The following ZNF99 variants were observed in gnomAD, a reference collection of about 807,000 sequenced individuals.
ZNF99 encodes the protein zinc finger protein ENSP00000375192.
A neutral mutation model predicts 12.8 loss-of-function variants in ZNF99; 8 were observed. The ratio of observed to expected loss-of-function variants is 0.62; its 90% CI spans 0.37 to 1.13. The LOEUF (loss-of-function observed/expected upper bound fraction) is 1.13. Ranked by LOEUF, ZNF99 falls within the 50% of genes most tolerant of loss-of-function variation. The pLI is 0.02. For missense variants in ZNF99, 1,007 were observed against 1,006.2 expected, an observed-to-expected ratio of 1.00 and a Z score of -0.01; for synonymous variants, 318 against 319.0, an observed-to-expected ratio of 1.00 and a Z score of 0.03.
chr19:22,773,449 G>GA (rs61656597), intron 1 of ZNF99, among the ~76,000 whole-genome samples: 29,392 of 152,164 alleles, frequency 0.19, 3,797 homozygotes, highest in African/African-American at 0.37. Flanking sequence ...TTAACAAGTA[G>GA]AAAATTTATA....
rs1028660602 is a variant in ZNF99 at position 22,753,788 on chromosome 19, A to T, written c.*3526T>A. ...TTTTCCACATTCTTCATAGGTGTAC[A>T]TTTTTTTTCAAGTATAAATGCTTTC... On this transcript the variant is annotated 3_prime_UTR_variant, in exon 4 of 4. Coordinates refer to ENST00000596209, the MANE Select transcript of ZNF99 (RefSeq NM_001080409.3). The T allele has an allele frequency of 9.2e-6, 2 of 217,432 alleles. No homozygotes were observed. Among genetic ancestry groups the T allele is most frequent in the African/African-American group, 4.7e-5 (2 of 42,908 alleles). The allele number at this position is 217,432 out of a possible 1,614,324, so 13.5% of individuals were successfully genotyped here.
At position 22,759,022 on chromosome 19, in the gene ZNF99, T is replaced by G; in HGVS notation, c.887A>C (p.Gln296Pro). 4 of 1,613,638 alleles carry G rather than the reference T, an allele frequency of 2.5e-6. No homozygotes were observed. The highest frequency in any genetic ancestry group is 3.4e-6 in the Non-Finnish European group (4 of 1,179,798). Reference sequence around the variant, plus strand: ...TTTATGTCTAGTAAGGTGTGAGGATTGCTTAAAAGCTTTGCCACATTCTTC... The same window carrying G: ...TTTATGTCTAGTAAGGTGTGAGGATGGCTTAAAAGCTTTGCCACATTCTTC... The part of the protein sequence containing the change: ...KCEECGKAFK[Q>P]SSHLTRHKAI... Residue 296 changes from glutamine to proline, a missense_variant, in exon 4 of 4, where the codon CAA becomes CCA. Physicochemically the swap from Gln to Pro is moderately conservative, Grantham distance 76. Transcript: ENST00000596209.
Position 22,758,493 on chromosome 19 carries a change from C to G in ZNF99, c.1416G>C (p.Glu472Asp). ...FSNFSALRKH[E>D]IIHTGEKPYK... is the part of the protein sequence containing the mutation. ...AGGGTTTCTCTCCAGTATGAATTAT[C>G]TCATGTTTTCTAAGGGCTGAAAAAT... The change falls in exon 4 of 4, where the codon GAG becomes GAC. Residue 472 changes from glutamate to aspartate, a missense_variant. Transcript: ENST00000596209. 6.2e-7 allele frequency: 1 copy of G among 1,613,186 alleles called. No homozygotes were observed. Among genetic ancestry groups the G allele is most frequent in the Non-Finnish European group, 8.5e-7 (1 of 1,179,658 alleles).
chr19:22,759,651 C>A lies in ZNF99; in HGVS notation c.258G>T (p.Trp86Cys), dbSNP rs1396483863. 1 of 1,556,566 alleles carries A rather than the reference C, an allele frequency of 6.4e-7. No individual in the cohort carries two copies. Among genetic ancestry groups the A allele is most frequent in the Non-Finnish European group, 8.6e-7 (1 of 1,159,004 alleles). Residue 86 changes from tryptophan (W) to cysteine (C), a missense_variant, in exon 4 of 4, where the codon TGG becomes TGT. Trp to Cys is a radical substitution (Grantham distance 215). Coordinates refer to ENST00000596209, the MANE Select transcript of ZNF99 (RefSeq NM_001080409.3). ...AAGAATCTTTTATGCTCTGATCTGG[C>A]CAAAAGTCTTGTGTAAAATGAGAAC... ...VISSHFTQDF[W>C]PDQSIKDSFQ...
Position 22,758,780 on chromosome 19 carries a change from C to T in ZNF99, c.1129G>A (p.Ala377Thr), listed in dbSNP as rs369593902. The T allele has an allele frequency of 6.4e-5, 102 of 1,604,192 alleles. No homozygotes were observed. The highest frequency in any genetic ancestry group is 3.3e-4 in the Middle Eastern group (2 of 6,020). ...CTAAGGGCTGACAAATTGCTAAAAG[C>T]TTTGCCGCATTCTTCATATTTGTAG... is the stretch of plus-strand genomic sequence containing the variant. The part of the protein sequence containing the change: ...KPYKYEECGK[A>T]FSNLSALRKH... The change falls in exon 4 of 4, where the codon GCT (alanine) becomes ACT (threonine). Residue 377 changes from alanine (A) to threonine (T), a missense_variant. Transcript: ENST00000596209.
intron 1 of ZNF99, among the ~76,000 whole-genome samples, chr19:22,773,477 G>A (rs1800030988): frequency 6.6e-6 from 1 of 152,186 alleles, no homozygotes; most frequent in Admixed American, 6.5e-5. Flanking sequence ...GTCATACATA[G>A]TTATTCCTAA....
intron 1 of ZNF99, among the ~76,000 whole-genome samples, chr19:22,776,072 T>C (rs1480325709): frequency 6.8e-6 from 1 of 147,956 alleles, no homozygotes; most frequent in African/African-American, 2.5e-5. Context: ...AGGCTAAGAG[T>C]AAGATTAAAG....
chr19:22,779,052 T>C (rs1177573946), intron 1 of ZNF99, among the ~76,000 whole-genome samples: 1 of 151,478 alleles, frequency 6.6e-6, no homozygotes, highest in African/African-American at 2.4e-5. Flanking sequence ...ATAAAGCATA[T>C]AGATAATCCT....
Position 22,759,657 on chromosome 19 carries a change from G to A in ZNF99, c.252C>T (p.Asp84=). 1 of 1,551,896 alleles carries A rather than the reference G, an allele frequency of 6.4e-7. No individual in the cohort carries two copies. Among genetic ancestry groups the A allele is most frequent in the South Asian group, 1.3e-5 (1 of 79,476 alleles). The change falls in exon 4 of 4, where the codon GAC becomes GAT. Residue 84 remains aspartate, a synonymous_variant. Transcript: ENST00000596209. The part of the protein sequence containing the change: ...PPVISSHFTQ[D]FWPDQSIKDS... The stretch of plus-strand genomic sequence containing the variant: ...CTTTTATGCTCTGATCTGGCCAAAA[G>A]TCTTGTGTAAAATGAGAACTAATAA...
At position 22,755,145 on chromosome 19, in the gene ZNF99, ATTATG is replaced by A; in HGVS notation, c.*2164_*2168del. The A allele has an allele frequency of 4.4e-6, 1 of 227,822 alleles. No individual in the cohort carries two copies. The highest frequency in any genetic ancestry group is 9.0e-6 in the Non-Finnish European group (1 of 110,500). 14.1% of individuals were successfully genotyped at this position (227,822 alleles called of 1,614,324 possible). A position where few individuals can be genotyped will look rare whatever the true frequency, so the allele number is the denominator to read the frequency against. ...ATTTGTAGGGTTTCTCTCCCATTGA[ATTATG>A]TTGTTTAGCAAGAGTTGAGGACTGG... On this transcript the variant is annotated 3_prime_UTR_variant, in exon 4 of 4. Transcript: ENST00000596209.
chr19:22,777,262 G>T (rs938729953), intron 1 of ZNF99, among the ~76,000 whole-genome samples: 2 of 152,196 alleles, frequency 1.3e-5, no homozygotes, highest in Non-Finnish European at 2.9e-5. Context: ...CATAGATGGA[G>T]CTGGAGACCA....
chr19:22,763,353 A>G (rs1265940112), intron 3 of ZNF99, among the ~76,000 whole-genome samples: 3 of 152,204 alleles, frequency 2.0e-5, no homozygotes, highest in Non-Finnish European at 4.4e-5. Flanking sequence ...CGAAGCAGAG[A>G]GTCAAATCAA....
intron 3 of ZNF99, among the ~76,000 whole-genome samples, chr19:22,765,358 T>A (rs1973192701): frequency 2.0e-5 from 3 of 152,072 alleles, no homozygotes; most frequent in African/African-American, 7.2e-5. Flanking sequence ...AAACGAGGGA[T>A]AAAAGACCAC....
Position 22,759,472 on chromosome 19 carries a change from T to A in ZNF99, c.437A>T (p.Gln146Leu). Residue 146 changes from glutamine to leucine, a missense_variant, in exon 4 of 4, where the codon CAG becomes CTG. Coordinates refer to ENST00000596209, the MANE Select transcript of ZNF99 (RefSeq NM_001080409.3). ...AAAGACTTTCACATATTTGTTACAC[T>A]GAAATATTTTTCCCTGGGTAGTTGT... ...CWTTTQGKIF[Q>L]CNKYVKVFHK... 6.2e-7 allele frequency: 1 copy of A among 1,606,070 alleles called. No homozygotes were observed. The highest frequency in any genetic ancestry group is 8.5e-7 in the Non-Finnish European group (1 of 1,176,850).
At chr19:22,781,225 G>A (rs1404818163) in intron 1 of ZNF99, among the ~76,000 whole-genome samples, 8 of 151,880 alleles carry the variant, frequency 5.3e-5, no homozygotes. Flanking sequence ...TCTTTTCAAG[G>A]TACAGATGTG....
chr19:22,769,807 T>C (rs1316691653), intron 1 of ZNF99: 5 of 1,191,050 alleles, frequency 4.2e-6, no homozygotes, highest in Non-Finnish European at 4.4e-6. Flanking sequence ...TTCTCTAATG[T>C]ATTCTCAAAC....
intron 1 of ZNF99, among the ~76,000 whole-genome samples, chr19:22,779,299 G>A (rs1391858949): frequency 6.6e-6 from 1 of 152,102 alleles, no homozygotes; most frequent in Admixed American, 6.5e-5. Context: ...GCTGAGGCAG[G>A]CGGATCAAAA....
Position 22,758,335 on chromosome 19 carries a change from C to T in ZNF99, c.1574G>A (p.Arg525Lys). The T allele has an allele frequency of 6.2e-7, 1 of 1,612,928 alleles. No homozygotes were observed. Among genetic ancestry groups the T allele is most frequent in the African/African-American group, 1.3e-5 (1 of 74,848 alleles). ...GKAFKHFSAL[R>K]KHKIIHTGKK... ...TCCAGTATGAATTATCTTATGTTTTCTAAGGGCTGAGAAATGCTTAAAAGC... is the reference window on the plus strand; with the variant it reads ...TCCAGTATGAATTATCTTATGTTTTTTAAGGGCTGAGAAATGCTTAAAAGC... The change falls in exon 4 of 4, where the codon AGA (arginine) becomes AAA (lysine). Residue 525 changes from arginine (R) to lysine (K), a missense_variant. Transcript: ENST00000596209.
chr19:22,780,463 C>T (rs1465030000), intron 1 of ZNF99, among the ~76,000 whole-genome samples: 2 of 152,044 alleles, frequency 1.3e-5, no homozygotes, highest in Admixed American at 6.6e-5. Context: ...GAGGCTGAGG[C>T]GGGCGGATCA....
Sources: gnomAD v4.1 joint callset for allele counts (sites outside exome capture counted in the v4.1 genomes callset) on GRCh38, gnomAD v4.1.1 for gene constraint, MANE v1.5 for transcripts, NCBI Gene and HGNC (gene_info 2026-07-23, HGNC 2026-07-21) for gene names.